UGT1A10: variants seen among roughly 807,000 people sequenced by gnomAD.
UGT1A10 encodes the protein UDP-glucuronosyltransferase 1A10.
UGT1A10 carries 49 observed loss-of-function variants against 45.8 expected under a neutral mutation model. That is an observed-to-expected ratio of 1.07 (90% confidence interval 0.85 to 1.36). The LOEUF (loss-of-function observed/expected upper bound fraction) is 1.36. Ranked by LOEUF, UGT1A10 falls within the 40% of genes most tolerant of loss-of-function variation. UGT1A10 has a pLI of 0.00. For missense variants in UGT1A10, 745 were observed against 668.6 expected (o/e 1.11, Z -1.26); for synonymous variants, 284 against 249.7 (o/e 1.14, Z -1.29).
At chr2:233,659,390 T>C (rs2073921811) in intron 1 of UGT1A10, among the ~76,000 whole-genome samples, 1 of 152,222 alleles carries the variant, frequency 6.6e-6, no homozygotes, top group Admixed American at 6.5e-5. Flanking sequence ...GCTTTATGTG[T>C]TATATACTGT....
chr2:233,719,429 C>A, intron 1 of UGT1A10: 1 of 1,613,996 alleles, frequency 6.2e-7, no homozygotes, highest in Non-Finnish European at 8.5e-7. Context: ...CCAATTCAGA[C>A]CACATGACAT....
At chr2:233,719,554 T>C in intron 1 of UGT1A10, 1 of 1,613,912 alleles carries the variant, frequency 6.2e-7, no homozygotes. Context: ...GAGGTGTCAG[T>C]GGTGGATCTT....
chr2:233,707,493 C>T (rs900860981), intron 1 of UGT1A10, among the ~76,000 whole-genome samples: 5 of 148,778 alleles, frequency 3.4e-5, no homozygotes, highest in African/African-American at 4.9e-5. Context: ...TTACCTGTTT[C>T]GGTACTTAAC....
intron 1 of UGT1A10, among the ~76,000 whole-genome samples, chr2:233,724,562 G>T (rs1169483427): frequency 1.1e-4 from 14 of 128,924 alleles, no homozygotes; most frequent in Non-Finnish European, 2.0e-4. Flanking sequence ...TCCCAGATGG[G>T]GCGGCGGGGC....
chr2:233,638,698 A>G (rs981446895), intron 1 of UGT1A10, among the ~76,000 whole-genome samples: 5 of 152,120 alleles, frequency 3.3e-5, no homozygotes, highest in Admixed American at 2.0e-4. Context: ...ATTTTTATGT[A>G]TTGTTCTGGT....
chr2:233,755,908 T>G (rs1323849198), intron 1 of UGT1A10: 1 of 151,610 alleles, frequency 6.6e-6, no homozygotes, highest in African/African-American at 2.4e-5. Flanking sequence ...CAAAATGTAG[T>G]GAGAAGAGTG....
chr2:233,675,661 G>A (rs1335617958), intron 1 of UGT1A10, among the ~76,000 whole-genome samples: 3 of 152,088 alleles, frequency 2.0e-5, no homozygotes, highest in Non-Finnish European at 4.4e-5. Context: ...CATACACAAT[G>A]GAGAGACTCA....
chr2:233,760,737 G>A (rs561827445), intron 1 of UGT1A10: 10 of 1,614,138 alleles, frequency 6.2e-6, no homozygotes, highest in South Asian at 4.4e-5. Context: ...TCATGCTGAC[G>A]GACCCTTTCC....
intron 1 of UGT1A10, among the ~76,000 whole-genome samples, chr2:233,757,972 C>G (rs768947894): frequency 2.6e-4 from 40 of 152,096 alleles, no homozygotes; most frequent in Non-Finnish European, 3.4e-4. Context: ...TTTCTCAGCC[C>G]CTAGAGCACC....
intron 1 of UGT1A10, among the ~76,000 whole-genome samples, chr2:233,764,312 GA>G (rs1174079806): frequency 1.3e-5 from 2 of 152,150 alleles, no homozygotes; most frequent in East Asian, 3.8e-4. Flanking sequence ...AAGTTTAAGG[GA>G]AGCTTTGCCA....
In UGT1A10 at chr2:233,672,351, G is replaced by A. The variant is rs765515241; in HGVS notation, c.855+34974G>A. 36 of 1,613,958 alleles carry A rather than the reference G, an allele frequency of 2.2e-5. No homozygotes were observed. In the South Asian group the frequency reaches 3.6e-4, roughly 16 times the overall value. ...AAAAATTAGTAGAATACTTAAAGGA[G>A]AGTTCTTTTGATGCAGTGTTTCTCG... On this transcript the variant is annotated intron_variant, in intron 1 of 4. Transcript: ENST00000344644.
At chr2:233,685,760 A>G (rs1675138533) in intron 1 of UGT1A10, among the ~76,000 whole-genome samples, 2 of 152,342 alleles carry the variant, frequency 1.3e-5, no homozygotes, top group Admixed American at 6.5e-5. Context: ...TTTTAAAGAA[A>G]AATTTTGACT....
At chr2:233,724,321 C>A (rs1437047103) in intron 1 of UGT1A10, among the ~76,000 whole-genome samples, 7 of 146,642 alleles carry the variant, frequency 4.8e-5, no homozygotes, top group East Asian at 4.5e-4. Context: ...GACGGGGCGG[C>A]TGGCCAGGCG....
At chr2:233,710,464 G>A in intron 1 of UGT1A10, among the ~76,000 whole-genome samples, 1 of 152,194 alleles carries the variant, frequency 6.6e-6, no homozygotes. Context: ...ATCCTAATGG[G>A]TGTGTAGTAG....
chr2:233,685,524 C>G lies in UGT1A10; in HGVS notation c.855+48147C>G, dbSNP rs535145479. 1.7e-3 allele frequency among the ~76,000 whole-genome samples: 266 copies of G among 152,298 alleles called. 1 individual carries two copies. Among genetic ancestry groups the G allele is most frequent in the African/African-American group, 6.3e-3 (261 of 41,558 alleles). ...CAGCAAGAAAAGATCTATGCTTTCCCCATTGCTCTCGCATTCTGTTTTTGA... is the reference window on the plus strand; with the variant it reads ...CAGCAAGAAAAGATCTATGCTTTCCGCATTGCTCTCGCATTCTGTTTTTGA... On this transcript the variant is annotated intron_variant, in intron 1 of 4. Transcript: ENST00000344644.
chr2:233,691,576 G>A (rs1251498090), intron 1 of UGT1A10: 1 of 985,544 alleles, frequency 1.0e-6, no homozygotes, highest in African/African-American at 1.7e-5. Flanking sequence ...CTCTCACTGG[G>A]ACAGCCTAGT....
intron 1 of UGT1A10, chr2:233,738,880 T>G (rs1690926968): frequency 6.6e-6 from 1 of 152,168 alleles, no homozygotes; most frequent in Admixed American, 6.5e-5. Context: ...CCAGGGCATG[T>G]CAGAGACCTT....
chr2:233,755,353 G>C (rs1323397761), intron 1 of UGT1A10: 2 of 385,742 alleles, frequency 5.2e-6, no homozygotes, highest in Non-Finnish European at 9.5e-6. Context: ...GAGGCTTGGC[G>C]ACCTGGGCCG....
chr2:233,761,981 G>A (rs1697924435), intron 1 of UGT1A10, among the ~76,000 whole-genome samples: 1 of 152,178 alleles, frequency 6.6e-6, no homozygotes, highest in African/African-American at 2.4e-5. Context: ...CACCTTCGGA[G>A]GTGACCTTAT....
Sources: allele counts gnomAD v4.1 joint callset (sites outside exome capture counted in the v4.1 genomes callset), GRCh38; gene constraint gnomAD v4.1.1; transcripts MANE v1.5; gene names NCBI Gene and HGNC (gene_info 2026-07-23, HGNC 2026-07-21).